AKIRIN2: variants seen among roughly 807,000 people sequenced by gnomAD.
AKIRIN2 encodes the protein akirin-2.
In AKIRIN2, 6 loss-of-function variants were observed where a neutral mutation model predicts 29.3. The ratio of observed to expected loss-of-function variants is 0.20; its 90% CI spans 0.11 to 0.40. The LOEUF is 0.40. Among genes scored for constraint, AKIRIN2 ranks in the 10% least tolerant of loss-of-function variants. AKIRIN2 has a pLI of 1.00. For synonymous variants in AKIRIN2, 128 were observed against 117.5 expected (o/e 1.09, Z -0.58); for missense variants, 210 against 276.1 (o/e 0.76, Z 1.70).
intron 4 of AKIRIN2, 36 bp downstream of exon 4, chr6:87,675,824 A>G (rs747544333): frequency 2.3e-5 from 37 of 1,581,080 alleles, no homozygotes; most frequent in Non-Finnish European, 3.2e-5. Context: ...AGACAGTCTT[A>G]TTTTCAGTTT....
At chr6:87,675,980 A>G (rs1331023545) in intron 3 of AKIRIN2, 49 bp from the exon 4 acceptor site, 2 of 1,513,070 alleles carry the variant, frequency 1.3e-6, no homozygotes, top group Non-Finnish European at 1.8e-6. Flanking sequence ...GCCTTATTAG[A>G]GCCAGATAAA....
Position 87,701,975 on chromosome 6 carries a change from C to A in AKIRIN2, c.-291G>T. 2.5e-6 allele frequency: 1 copy of A among 402,792 alleles called. No individual in the cohort carries two copies. The highest frequency in any genetic ancestry group is 4.4e-6 in the Non-Finnish European group (1 of 228,204). 25.0% of individuals were successfully genotyped at this position (402,792 alleles called of 1,614,324 possible). A position where few individuals can be genotyped will look rare whatever the true frequency, so the allele number is the denominator to read the frequency against. ...TTCTTCCGCCTCCTCAGGCGCGGCT[C>A]CCCCGAGAGAGGCTCCGGCCGCCCC... On this transcript the variant is annotated 5_prime_UTR_variant, in exon 1 of 5. Coordinates refer to ENST00000257787, the MANE Select transcript of AKIRIN2 (RefSeq NM_018064.4).
chr6:87,691,376 G>A (rs1771275596), intron 1 of AKIRIN2, among the ~76,000 whole-genome samples: 1 of 149,186 alleles, frequency 6.7e-6, no homozygotes, highest in Admixed American at 6.7e-5. Context: ...AGGAGGCAGA[G>A]GTTGCAGTGA....
intron 1 of AKIRIN2, among the ~76,000 whole-genome samples, chr6:87,698,639 T>C (rs531705651): frequency 6.7e-6 from 1 of 149,778 alleles, no homozygotes; most frequent in Admixed American, 6.7e-5. Flanking sequence ...GGGATAGCTG[T>C]GTGTTAAGGA....
chr6:87,701,341 C>G, intron 1 of AKIRIN2, 109 bp downstream of exon 1: 1 of 1,210,212 alleles, frequency 8.3e-7, no homozygotes, highest in Non-Finnish European at 1.1e-6. Flanking sequence ...TTGCTAAGAA[C>G]AAGAACCACA....
At chr6:87,676,990 T>G (rs1369799412) in intron 3 of AKIRIN2, among the ~76,000 whole-genome samples, 1 of 148,996 alleles carries the variant, frequency 6.7e-6, no homozygotes, top group Non-Finnish European at 1.5e-5. Flanking sequence ...GGCAGGAGAA[T>G]GGCGTGAACC....
At chr6:87,675,797 A>T in intron 4 of AKIRIN2, 63 bp downstream of exon 4, 1 of 1,511,188 alleles carries the variant, frequency 6.6e-7, no homozygotes, top group Non-Finnish European at 9.1e-7. Context: ...AAATAATTAT[A>T]ATGTCTTCTC....
At chr6:87,681,572 T>C (rs1320452081) in intron 2 of AKIRIN2, 48 bp downstream of exon 2, 2 of 1,557,272 alleles carry the variant, frequency 1.3e-6, no homozygotes, top group Non-Finnish European at 1.7e-6. Flanking sequence ...GATTAGACTT[T>C]TCCCACTCTA....
intron 2 of AKIRIN2, among the ~76,000 whole-genome samples, chr6:87,679,197 G>A (rs1179419485): frequency 4.1e-5 from 6 of 146,246 alleles, no homozygotes; most frequent in Non-Finnish European, 6.0e-5. Context: ...TTTAAAAAAA[G>A]AAGGTACAGC....
intron 1 of AKIRIN2, 45 bp downstream of exon 1, chr6:87,701,405 C>G (rs774181364): frequency 2.6e-6 from 4 of 1,527,592 alleles, no homozygotes; most frequent in African/African-American, 2.8e-5. Flanking sequence ...GACCCCTGTT[C>G]CCAGTTCTCT....
intron 1 of AKIRIN2, among the ~76,000 whole-genome samples, chr6:87,686,551 A>T (rs1477489291): frequency 1.3e-5 from 2 of 152,042 alleles, no homozygotes; most frequent in African/African-American, 4.8e-5. Context: ...TCTGCTCCAG[A>T]CCCACAAAGC....
In AKIRIN2 at chr6:87,701,731, G is replaced by C. The variant is rs779972285; in HGVS notation, c.-47C>G. The C allele has an allele frequency of 7.5e-7, 1 of 1,334,072 alleles. No homozygotes were observed. Among genetic ancestry groups the C allele is most frequent in the East Asian group, 3.0e-5 (1 of 33,708 alleles). The allele number at this position is 1,334,072 out of a possible 1,614,324, so 82.6% of individuals were successfully genotyped here. On this transcript the variant is annotated 5_prime_UTR_variant, in exon 1 of 5. Transcript: ENST00000257787. ...CGGGCTCGGGTGGGGTCGGGGACGG[G>C]TGACGAAAGAAGAGGGTGAGGGAAG...
chr6:87,675,977 T>A lies in AKIRIN2; in HGVS notation c.530-46A>T, dbSNP rs1352920733. ...CAATTACATTTGTAAAATGCCTTAT[T>A]AGAGCCAGATAAACTGAAAACACAA... On this transcript the variant is annotated intron_variant, in intron 3 of 4. Coordinates refer to ENST00000257787, the MANE Select transcript of AKIRIN2 (RefSeq NM_018064.4). The A allele has an allele frequency of 2.0e-6, 3 of 1,516,174 alleles. No homozygotes were observed. The African/African-American group carries it at 4.2e-5, about 21-fold the overall frequency. The allele number at this position is 1,516,174 out of a possible 1,614,324, so 93.9% of individuals were successfully genotyped here. A position where few individuals can be genotyped will look rare whatever the true frequency, so the allele number is the denominator to read the frequency against.
chr6:87,684,578 A>G (rs909249423), intron 1 of AKIRIN2, among the ~76,000 whole-genome samples: 1 of 152,224 alleles, frequency 6.6e-6, no homozygotes, highest in Non-Finnish European at 1.5e-5. Context: ...CTCATCTGCT[A>G]TTACTACATA....
chr6:87,685,261 T>C (rs1428032336), intron 1 of AKIRIN2, among the ~76,000 whole-genome samples: 2 of 152,240 alleles, frequency 1.3e-5, no homozygotes, highest in African/African-American at 4.8e-5. Context: ...TCAAGCTCAA[T>C]TTATTTCAGT....
intron 1 of AKIRIN2, chr6:87,700,665 G>A: frequency 6.6e-6 from 1 of 152,324 alleles, no homozygotes. Flanking sequence ...TCAAGGCTAG[G>A]TTGTTTTCCC....
Position 87,701,477 on chromosome 6 carries a change from C to G in AKIRIN2, c.208G>C (p.Gly70Arg), listed in dbSNP as rs2128303532. Reference sequence around the variant, plus strand: ...GTGGTGAGGCGGGAGGAGACGTCGCCGAAGGGGGATGGCTCCATTCGGAGA... The same window carrying G: ...GTGGTGAGGCGGGAGGAGACGTCGCGGAAGGGGGATGGCTCCATTCGGAGA... Reference protein sequence around the residue: ...KYLRMEPSPFGDVSSRLTTEQ... With the variant: ...KYLRMEPSPFRDVSSRLTTEQ... Residue 70 changes from glycine (G) to arginine (R), a missense_variant, in exon 1 of 5, where the codon GGC becomes CGC. Physicochemically the swap from Gly to Arg is moderately radical, Grantham distance 125 (BLOSUM62 -2). Coordinates refer to ENST00000257787, the MANE Select transcript of AKIRIN2 (RefSeq NM_018064.4). 6.6e-7 allele frequency: 1 copy of G among 1,517,026 alleles called. No individual in the cohort carries two copies. The allele number at this position is 1,517,026 out of a possible 1,614,324, so 94.0% of individuals were successfully genotyped here.
intron 1 of AKIRIN2, among the ~76,000 whole-genome samples, chr6:87,691,603 G>A (rs1214619752): frequency 2.0e-5 from 3 of 152,188 alleles, no homozygotes; most frequent in Non-Finnish European, 4.4e-5. Flanking sequence ...AGTGACATAA[G>A]CATGGAGCTA....
At chr6:87,678,159 A>G (rs991684892) in intron 2 of AKIRIN2, among the ~76,000 whole-genome samples, 192 bp from the exon 3 acceptor site, 6 of 152,234 alleles carry the variant, frequency 3.9e-5, no homozygotes, top group African/African-American at 1.4e-4. Context: ...GACGCTGGAA[A>G]AACACGGCAA....
Sources: allele counts gnomAD v4.1 joint callset (sites outside exome capture counted in the v4.1 genomes callset), GRCh38; gene constraint gnomAD v4.1.1; transcripts MANE v1.5; gene names NCBI Gene and HGNC (gene_info 2026-07-23, HGNC 2026-07-21).